Variants in RNF150 observed in about 807,000 individuals in gnomAD.
RNF150 encodes ring finger protein 150.
In RNF150, 24 loss-of-function variants were observed where a neutral mutation model predicts 39.3. The observed-to-expected ratio is 0.61, with a 90% CI of 0.44 to 0.86. RNF150 has a LOEUF of 0.86. Among genes scored for constraint, RNF150 ranks in the 40% least tolerant of loss-of-function variants. The probability of loss-of-function intolerance (pLI) is 0.00; values close to 1 mark genes in which losing one functional copy is unlikely to be tolerated. For synonymous variants in RNF150, 255 were observed against 227.3 expected, an observed-to-expected ratio of 1.12 and a Z score of -1.10; for missense variants, 502 against 587.8, an observed-to-expected ratio of 0.85 and a Z score of 1.51.
intron 1 of RNF150, among the ~76,000 whole-genome samples, chr4:141,012,886 G>A (rs973867691): frequency 2.6e-5 from 4 of 151,382 alleles, no homozygotes; most frequent in African/African-American, 7.3e-5. Context: ...GTAAGAAAGG[G>A]AAGTAATATT....
At chr4:141,034,065 T>C (rs1470347055) in intron 1 of RNF150, among the ~76,000 whole-genome samples, 3 of 152,198 alleles carry the variant, frequency 2.0e-5, no homozygotes, top group Non-Finnish European at 4.4e-5. Flanking sequence ...TCTCTAGCTA[T>C]GAAGGTCCTA....
At chr4:141,141,585 G>A (rs1013036035) in intron 1 of RNF150, among the ~76,000 whole-genome samples, 9 of 152,146 alleles carry the variant, frequency 5.9e-5, no homozygotes, top group Non-Finnish European at 1.0e-4. Flanking sequence ...CAGATCACTC[G>A]AGGCCAGGAT....
chr4:141,083,083 A>C (rs905593831), intron 1 of RNF150, among the ~76,000 whole-genome samples: 3 of 152,178 alleles, frequency 2.0e-5, no homozygotes, highest in African/African-American at 7.2e-5. Flanking sequence ...AATGTATCCT[A>C]TGTTTTCTGA....
chr4:140,947,582 G>T (rs2321687), intron 4 of RNF150, 72 bp downstream of exon 4: 625,513 of 1,065,002 alleles, frequency 0.59, 186,531 homozygotes, highest in Non-Finnish European at 0.62. Flanking sequence ...CCAGCAGGTC[G>T]GGGCCAGGGA....
At chr4:141,045,905 T>C (rs1272660068) in intron 1 of RNF150, among the ~76,000 whole-genome samples, 1 of 152,166 alleles carries the variant, frequency 6.6e-6, no homozygotes, top group Non-Finnish European at 1.5e-5. Flanking sequence ...AATAAACGGA[T>C]CTTCTTAACT....
intron 1 of RNF150, among the ~76,000 whole-genome samples, chr4:141,113,495 A>G (rs980757777): frequency 5.9e-5 from 9 of 152,218 alleles, no homozygotes; most frequent in African/African-American, 2.2e-4. Context: ...TGCACCCATT[A>G]CAGGAACACC....
chr4:141,027,912 G>GTTTTTTGTTTTT (rs1560696593), intron 1 of RNF150, among the ~76,000 whole-genome samples: 2 of 27,102 alleles, frequency 7.4e-5, no homozygotes, highest in Non-Finnish European at 1.7e-4. Flanking sequence ...CTTGGAATTT[G>GTTTTTTGTTTTT]TTTTTTTTTT....
chr4:140,961,792 G>A (rs1009429853), intron 2 of RNF150, among the ~76,000 whole-genome samples: 2 of 151,960 alleles, frequency 1.3e-5, no homozygotes, highest in Non-Finnish European at 2.9e-5. Flanking sequence ...ACTGGGAGGA[G>A]AATAAAAATT....
chr4:141,108,587 T>C (rs185642276), intron 1 of RNF150, among the ~76,000 whole-genome samples: 94 of 152,340 alleles, frequency 6.2e-4, no homozygotes, highest in Admixed American at 1.6e-3. Context: ...AGAATGCTTC[T>C]GACAATCTAT....
chr4:141,179,231 A>T (rs1315315769), intron 1 of RNF150, among the ~76,000 whole-genome samples: 1 of 152,152 alleles, frequency 6.6e-6, no homozygotes, highest in Non-Finnish European at 1.5e-5. Context: ...TCCTGAATTA[A>T]TAAATCTGTA....
At chr4:141,147,350 A>C (rs967377318) in intron 1 of RNF150, among the ~76,000 whole-genome samples, 2 of 152,206 alleles carry the variant, frequency 1.3e-5, no homozygotes, top group Non-Finnish European at 2.9e-5. Flanking sequence ...CCATCCCTAG[A>C]GCTTCAAAGT....
chr4:141,083,270 G>C (rs768571508), intron 1 of RNF150, among the ~76,000 whole-genome samples: 19 of 152,140 alleles, frequency 1.2e-4, no homozygotes, highest in Non-Finnish European at 2.6e-4. Flanking sequence ...CTAGGAAATA[G>C]GATTTTTAGA....
chr4:140,926,154 G>T, intron 4 of RNF150, 81 bp from the exon 5 acceptor site: 1 of 1,000,620 alleles, frequency 1.0e-6, no homozygotes. Context: ...ACTCGTCCAA[G>T]GTCACAAAAT....
intron 2 of RNF150, among the ~76,000 whole-genome samples, chr4:140,962,412 T>C (rs1261212759): frequency 6.6e-6 from 1 of 151,668 alleles, no homozygotes; most frequent in Non-Finnish European, 1.5e-5. Context: ...ATAATGAAGA[T>C]GTGTATATAT....
intron 1 of RNF150, among the ~76,000 whole-genome samples, chr4:141,082,745 C>G (rs1288192607): frequency 6.6e-6 from 1 of 151,874 alleles, no homozygotes; most frequent in Non-Finnish European, 1.5e-5. Context: ...CCCGCCACTA[C>G]GCCCGGCTAA....
intron 1 of RNF150, among the ~76,000 whole-genome samples, chr4:140,999,980 GAAGAAAAGAAGA>G (rs1734550313): frequency 3.9e-5 from 1 of 25,334 alleles, no homozygotes; most frequent in Non-Finnish European, 1.1e-4. Context: ...AAGAAGAAAA[GAAGAAAAGAAGA>G]AAAGAAGAAG....
chr4:141,058,802 C>T (rs929483848), intron 1 of RNF150, among the ~76,000 whole-genome samples: 11 of 152,110 alleles, frequency 7.2e-5, no homozygotes, highest in Non-Finnish European at 1.5e-5. Context: ...TCCCATTTGC[C>T]ATAGTTGCCC....
rs370866676 is a variant in RNF150, at chr4:141,073,892, C to T, written c.484+58433G>A. Among the ~76,000 whole-genome samples the T allele has an allele frequency of 7.2e-5, 11 of 151,762 alleles. No individual in the cohort carries two copies. The East Asian group carries it at 7.8e-4, about 11-fold the overall frequency. Reference sequence around the variant, plus strand: ...AGGGTCTGGGGAATGGACTGGGGAGCGGGGAGTGGAGCCAGATGTTGCATT... The same window carrying T: ...AGGGTCTGGGGAATGGACTGGGGAGTGGGGAGTGGAGCCAGATGTTGCATT... On this transcript the variant is annotated intron_variant, in intron 1 of 6. Coordinates refer to ENST00000515673, the MANE Select transcript of RNF150 (RefSeq NM_020724.2).
At chr4:140,916,095 A>G (rs1051336231) in intron 5 of RNF150, among the ~76,000 whole-genome samples, 3 of 151,926 alleles carry the variant, frequency 2.0e-5, no homozygotes, top group African/African-American at 7.3e-5. Flanking sequence ...AAGATGGGGA[A>G]AAAACGGAGC....
Sources: allele counts gnomAD v4.1 joint callset (sites outside exome capture counted in the v4.1 genomes callset), GRCh38; gene constraint gnomAD v4.1.1; transcripts MANE v1.5; gene names NCBI Gene and HGNC (gene_info 2026-07-23, HGNC 2026-07-21).